ULK4: variants seen among roughly 807,000 people sequenced by gnomAD.
ULK4 encodes the protein unc-51 like kinase 4.
ULK4 carries 133 observed loss-of-function variants against 160.6 expected under a neutral mutation model. The ratio of observed to expected loss-of-function variants is 0.83; its 90% CI spans 0.72 to 0.96. The LOEUF (loss-of-function observed/expected upper bound fraction) is 0.96. Ranked by LOEUF, ULK4 falls within the 40% of genes least tolerant of loss-of-function variation. ULK4 has a pLI of 0.00. For missense variants in ULK4, 1,580 were observed against 1,499.5 expected, an observed-to-expected ratio of 1.05 and a Z score of -0.89; for synonymous variants, 534 against 539.8, an observed-to-expected ratio of 0.99 and a Z score of 0.15.
chr3:41,841,526 C>T (rs556784538), intron 17 of ULK4, among the ~76,000 whole-genome samples: 4 of 150,780 alleles, frequency 2.7e-5, no homozygotes, highest in South Asian at 2.1e-4. Flanking sequence ...CACCTCTGCC[C>T]AGCCGCCCTT....
Position 41,858,156 on chromosome 3 carries a change from T to G in ULK4, c.1657-22185A>C, listed in dbSNP as rs1176743508. ...AGGGTTTTTTTTGTTTGTTTTTTTT[T>G]TTTTTTTTTTTTTTGGCAGAATCTC... is the stretch of plus-strand genomic sequence containing the variant. On this transcript the variant is annotated intron_variant, in intron 17 of 36. Transcript: ENST00000301831. Among the ~76,000 whole-genome samples the G allele has an allele frequency of 9.1e-3, 1,306 of 142,840 alleles. 29 individuals carry two copies. Among genetic ancestry groups the G allele is most frequent in the African/African-American group, 0.03 (1,147 of 38,632 alleles). 93.7% of individuals were successfully genotyped at this position (142,840 alleles called of 152,430 possible).
chr3:41,766,917 T>C (rs1367025934), intron 21 of ULK4: 1 of 152,208 alleles, frequency 6.6e-6, no homozygotes, highest in Non-Finnish European at 1.5e-5. Context: ...TGCCCTCACA[T>C]CCCTTAATGG....
chr3:41,566,444 A>C (rs2125603815), intron 31 of ULK4, among the ~76,000 whole-genome samples: 1 of 152,358 alleles, frequency 6.6e-6, no homozygotes, highest in Middle Eastern at 3.4e-3. Flanking sequence ...TAGAACTCAG[A>C]AGATCATGCT....
intron 22 of ULK4, among the ~76,000 whole-genome samples, chr3:41,729,640 G>C (rs2037761629): frequency 6.6e-6 from 1 of 152,214 alleles, no homozygotes; most frequent in South Asian, 2.1e-4. Context: ...CATGGCATGA[G>C]AGACAGCTTG....
At position 41,592,314 on chromosome 3, in the gene ULK4, CCCT is replaced by C. The variant is rs1481595084; in HGVS notation, c.3120+23352_3120+23354del. Among the ~76,000 whole-genome samples, 9 of 152,252 alleles carry C rather than the reference CCCT, an allele frequency of 5.9e-5. No homozygotes were observed. In the East Asian group the frequency reaches 1.2e-3, roughly 20 times the overall value. On this transcript the variant is annotated intron_variant, in intron 31 of 36. Coordinates refer to ENST00000301831, the MANE Select transcript of ULK4 (RefSeq NM_017886.4). ...GGTGTAGAGGAAGCAGCGGGAAAAG[CCCT>C]GTGGGCTCTCTGGGTCCCCTGGGTA... is the stretch of plus-strand genomic sequence containing the variant.
chr3:41,364,411 T>C (rs73828007), intron 35 of ULK4, among the ~76,000 whole-genome samples: 5,533 of 152,312 alleles, frequency 0.036, 274 homozygotes, highest in East Asian at 0.19. Flanking sequence ...CCTTGCATGT[T>C]ACATTATTAA....
chr3:41,352,139 T>C (rs180773682), intron 35 of ULK4, among the ~76,000 whole-genome samples: 87 of 152,314 alleles, frequency 5.7e-4, no homozygotes, highest in Middle Eastern at 3.4e-3. Context: ...CCACTCTGTT[T>C]CTATGCTATC....
In ULK4 at chr3:41,531,031, G is replaced by A. The variant is rs1020595529; in HGVS notation, c.3226+34994C>T. Among the ~76,000 whole-genome samples the A allele has an allele frequency of 2.6e-5, 4 of 151,348 alleles. No individual in the cohort carries two copies. The East Asian group carries it at 7.9e-4, about 30-fold the overall frequency. ...CCCGCCTCGGCCTCCCAAAGTGCTG[G>A]GATTACAGGCATGAGCCACCGCGCC... is the stretch of plus-strand genomic sequence containing the variant. On this transcript the variant is annotated intron_variant, in intron 32 of 36. Coordinates refer to ENST00000301831, the MANE Select transcript of ULK4 (RefSeq NM_017886.4).
At chr3:41,828,651 C>G (rs1357313897) in intron 18 of ULK4, among the ~76,000 whole-genome samples, 1 of 150,182 alleles carries the variant, frequency 6.7e-6, no homozygotes, top group African/African-American at 2.5e-5. Flanking sequence ...AAAGAGGATA[C>G]AAACAAATGG....
intron 19 of ULK4, among the ~76,000 whole-genome samples, chr3:41,801,267 C>T (rs1156643125): frequency 6.6e-6 from 1 of 151,944 alleles, no homozygotes; most frequent in Non-Finnish European, 1.5e-5. Flanking sequence ...AACATGAAGA[C>T]ATAGCTACTA....
chr3:41,307,975 A>G (rs1285704894), intron 35 of ULK4, among the ~76,000 whole-genome samples: 1 of 152,164 alleles, frequency 6.6e-6, no homozygotes, highest in East Asian at 1.9e-4. Context: ...CAAAAGCTTG[A>G]GTTTCCGCAG....
chr3:41,524,373 C>T (rs1482406813), intron 32 of ULK4, among the ~76,000 whole-genome samples: 1 of 152,174 alleles, frequency 6.6e-6, no homozygotes, highest in Non-Finnish European at 1.5e-5. Flanking sequence ...CGTACTCCTC[C>T]ACCTTCTTTC....
chr3:41,853,201 G>A (rs1308757972), intron 17 of ULK4, among the ~76,000 whole-genome samples: 3 of 152,136 alleles, frequency 2.0e-5, no homozygotes, highest in African/African-American at 7.2e-5. Flanking sequence ...AGTAGATCTG[G>A]GGTAAGGCCT....
At chr3:41,665,122 A>T (rs2035312364) in intron 29 of ULK4, among the ~76,000 whole-genome samples, 1 of 152,358 alleles carries the variant, frequency 6.6e-6, no homozygotes, top group South Asian at 2.1e-4. Context: ...TGGATATTTT[A>T]AAAATCTATG....
intron 32 of ULK4, among the ~76,000 whole-genome samples, chr3:41,560,804 C>A (rs373856553): frequency 6.6e-6 from 1 of 152,208 alleles, no homozygotes; most frequent in East Asian, 1.9e-4. Flanking sequence ...TCATGTCATC[C>A]GCAAACAGGG....
intron 22 of ULK4, among the ~76,000 whole-genome samples, chr3:41,738,253 G>A (rs1382074209): frequency 2.6e-5 from 4 of 151,918 alleles, no homozygotes; most frequent in Admixed American, 6.6e-5. Flanking sequence ...TCCTGTTGCA[G>A]CTGCAATTTA....
At chr3:41,694,799 A>G (rs7624900) in intron 27 of ULK4, among the ~76,000 whole-genome samples, 2,775 of 151,992 alleles carry the variant, frequency 0.018, 67 homozygotes, top group African/African-American at 0.058. Context: ...TTGTATTATC[A>G]TTTTTCATCT....
At chr3:41,787,875 C>A (rs1365858413) in intron 21 of ULK4, among the ~76,000 whole-genome samples, 1 of 152,060 alleles carries the variant, frequency 6.6e-6, no homozygotes, top group East Asian at 1.9e-4. Context: ...ATTAACATAA[C>A]AACCTATTTT....
chr3:41,533,550 C>CT (rs1360536028), intron 32 of ULK4, among the ~76,000 whole-genome samples: 5 of 152,176 alleles, frequency 3.3e-5, no homozygotes, highest in Non-Finnish European at 7.3e-5. Flanking sequence ...AAGCCATGGC[C>CT]TGTGGGCTAC....
Sources: allele counts gnomAD v4.1 joint callset (sites outside exome capture counted in the v4.1 genomes callset), GRCh38; gene constraint gnomAD v4.1.1; transcripts MANE v1.5; gene names NCBI Gene and HGNC (gene_info 2026-07-23, HGNC 2026-07-21).